Variants in ACE observed in about 807,000 individuals in gnomAD.
ACE encodes angiotensin-converting enzyme.
A neutral mutation model predicts 162.3 loss-of-function variants in ACE; 122 were observed. The ratio of observed to expected loss-of-function variants is 0.75; its 90% confidence interval spans 0.65 to 0.87. The LOEUF is 0.87. ACE is among the 40% of genes least tolerant of loss of function. The probability of loss-of-function intolerance (pLI) is 0.00; values close to 1 mark genes in which losing one functional copy is unlikely to be tolerated. For synonymous variants in ACE, 796 were observed against 720.6 expected (o/e 1.10, Z -1.68); for missense variants, 1,799 against 1,735.1 (o/e 1.04, Z -0.65).
At position 63,484,512 on chromosome 17, in the gene ACE, C is replaced by A. The variant is rs749271989; in HGVS notation, c.1892C>A (p.Pro631Gln). The stretch of plus-strand genomic sequence containing the variant: ...TGGCCCGAGTACCAGTGGCACCCGC[C>A]GTTGCCTGACAACTACCCGGAGGGC... ...LGWPEYQWHP[P>Q]LPDNYPEGID... The change falls in exon 12 of 25, where the codon CCG becomes CAG. Residue 631 changes from proline (P) to glutamine (Q), a missense_variant. Pro to Gln is a moderately conservative substitution (Grantham distance 76). Transcript: ENST00000290866. The surrounding 1 kb of genome is among the most constrained non-coding windows in gnomAD (Gnocchi z 4.0). 1 of 1,611,892 alleles carries A rather than the reference C, an allele frequency of 6.2e-7. No homozygotes were observed. The highest frequency in any genetic ancestry group is 1.1e-5 in the South Asian group (1 of 90,824).
intron 23 of ACE, 107 bp downstream of exon 23, chr17:63,496,623 C>T (rs1017056040): frequency 2.3e-5 from 37 of 1,601,482 alleles, no homozygotes; most frequent in East Asian, 1.1e-4. Flanking sequence ...CATTTTGAGC[C>T]GGGAACTCCC....
chr17:63,484,034 A>G lies in ACE; in HGVS notation c.1709+63A>G. ...AGGAGCGGCTGGCAAAGGGTGTGGC[A>G]GGAGGTGTCTGGCTGCTCTGATGGG... On this transcript the variant is annotated intron_variant, in intron 11 of 24. Coordinates refer to ENST00000290866, the MANE Select transcript of ACE (RefSeq NM_000789.4). This position sits in a 1 kb window ranked among gnomAD's most constrained non-coding sequence, Gnocchi z 4.0. The G allele has an allele frequency of 1.3e-6, 2 of 1,553,034 alleles. No homozygotes were observed. The highest frequency in any genetic ancestry group is 2.4e-5 in the East Asian group (1 of 41,460).
intron 20 of ACE, 55 bp from the exon 21 acceptor site, chr17:63,493,867 C>A (rs537085130): frequency 7.8e-5 from 126 of 1,613,634 alleles, no homozygotes; most frequent in Admixed American, 5.8e-4. Flanking sequence ...ACAGGCACAC[C>A]AGGGCCAAGC....
chr17:63,493,638 AGCAGTGAGGGTG>A lies in ACE; in HGVS notation c.3120_3131del (p.Glu1041_Ser1044del), dbSNP rs768525377. 6.2e-7 allele frequency: 1 copy of A among 1,614,068 alleles called. No homozygotes were observed. Among genetic ancestry groups the A allele is most frequent in the Non-Finnish European group, 8.5e-7 (1 of 1,180,018 alleles). ...GCACCTGCACAGTCTCAACCTGCTG[AGCAGTGAGGGTG>A]GCAGCGACGGTGAGAGAGAAGCGGG... On this transcript the variant is annotated inframe_deletion, in exon 20 of 25. Coordinates refer to ENST00000290866, the MANE Select transcript of ACE (RefSeq NM_000789.4).
rs138418851 is a variant in ACE, at chr17:63,482,522, T to C, written c.1175T>C (p.Met392Thr). ...CAGCTCTCCACAGTGCACCATGAGA[T>C]GGGCCATATACAGTACTACCTGCAG... ...MDQLSTVHHE[M>T]GHIQYYLQYK... Residue 392 changes from methionine to threonine, a missense_variant, in exon 8 of 25, where the codon ATG (methionine) becomes ACG (threonine). Physicochemically the swap from Met to Thr is moderately conservative, Grantham distance 81. Transcript: ENST00000290866. 8.0e-5 allele frequency: 129 copies of C among 1,613,908 alleles called. No individual in the cohort carries two copies. Among genetic ancestry groups the C allele is most frequent in the Non-Finnish European group, 1.0e-4 (122 of 1,180,010 alleles).
Position 63,484,117 on chromosome 17 carries a change from C to A in ACE, c.1709+146C>A. On this transcript the variant is annotated intron_variant, in intron 11 of 24. Transcript: ENST00000290866. This position sits in a 1 kb window ranked among gnomAD's most constrained non-coding sequence, Gnocchi z 4.0. Reference sequence around the variant, plus strand: ...GTGGATGCCTGTCTCCTCGCTATGTCATCAAATATTTATTGAGTGGGCCTT... The same window carrying A: ...GTGGATGCCTGTCTCCTCGCTATGTAATCAAATATTTATTGAGTGGGCCTT... 1 of 1,399,736 alleles carries A rather than the reference C, an allele frequency of 7.1e-7. No individual in the cohort carries two copies. The highest frequency in any genetic ancestry group is 9.6e-7 in the Non-Finnish European group (1 of 1,037,906). The allele number at this position is 1,399,736 out of a possible 1,614,324, so 86.7% of individuals were successfully genotyped here.
At position 63,483,877 on chromosome 17, in the gene ACE, C is replaced by A. The variant is rs1474365321; in HGVS notation, c.1615C>A (p.Gln539Lys). Residue 539 changes from glutamine to lysine, a missense_variant, in exon 11 of 25, where the codon CAG (glutamine) becomes AAG (lysine). Coordinates refer to ENST00000290866, the MANE Select transcript of ACE (RefSeq NM_000789.4). ...CTTTGTGAGTTTTGTCCTGCAGTTC[C>A]AGTTCCATGAAGCCCTGTGCAAGGA... ...RYFVSFVLQF[Q>K]FHEALCKEAG... 1 of 1,614,056 alleles carries A rather than the reference C, an allele frequency of 6.2e-7. No homozygotes were observed. Among genetic ancestry groups the A allele is most frequent in the African/African-American group, 1.3e-5 (1 of 74,934 alleles).
rs1462064954 is a variant in ACE, at chr17:63,484,324, C to T, written c.1710-6C>T. On this transcript the variant is annotated splice_region_variant and splice_polypyrimidine_tract_variant and intron_variant, in intron 11 of 24. Coordinates refer to ENST00000290866, the MANE Select transcript of ACE (RefSeq NM_000789.4). This position sits in a 1 kb window ranked among gnomAD's most constrained non-coding sequence, Gnocchi z 4.0. ...CTGTGCCCATGGTACCCACTCTGCC[C>T]ACCAGGAAGGTGCTGCAGGCTGGCT... 2 of 1,609,082 alleles carry T rather than the reference C, an allele frequency of 1.2e-6. No homozygotes were observed. The highest frequency in any genetic ancestry group is 1.3e-5 in the African/African-American group (1 of 74,940).
intron 2 of ACE, 49 bp from the exon 3 acceptor site, chr17:63,478,958 A>C (rs751004846): frequency 6.6e-7 from 1 of 1,513,328 alleles, no homozygotes; most frequent in Non-Finnish European, 9.1e-7. Context: ...GGGAGGGCAG[A>C]TGTCCCAGGG....
rs2030851584 is a variant in ACE, at chr17:63,497,589, TG to T, written c.*224del. The stretch of plus-strand genomic sequence containing the variant: ...TGAGCCCCACCTCTCCAAGTCTCTC[TG>T]TGAATACAATTAAAGGTCCTGCCCT... On this transcript the variant is annotated 3_prime_UTR_variant, in exon 25 of 25. Coordinates refer to ENST00000290866, the MANE Select transcript of ACE (RefSeq NM_000789.4). The T allele has an allele frequency of 1.4e-6, 1 of 700,900 alleles. No homozygotes were observed. Among genetic ancestry groups the T allele is most frequent in the Admixed American group, 2.0e-5 (1 of 49,906 alleles). The allele number at this position is 700,900 out of a possible 1,614,324, so 43.4% of individuals were successfully genotyped here. A position where few individuals can be genotyped will look rare whatever the true frequency, so the allele number is the denominator to read the frequency against.
At chr17:63,486,349 T>A (rs1288069610) in intron 13 of ACE, 1 of 626,348 alleles carries the variant, frequency 1.6e-6, no homozygotes, top group African/African-American at 1.8e-5. Context: ...TATGTGTTGC[T>A]TGACCGCAGG....
rs1309203619 is a variant in ACE, at chr17:63,497,243, C to T, written c.3798C>T (p.Gly1266=). ...GCCAGTGGCTGCTGCTCTTCCTGGG[C>T]ATCGCCCTGCTGGTAGCCACCCTGG... ...RVGQWLLLFL[G]IALLVATLGL... The change falls in exon 25 of 25, where the codon GGC becomes GGT. Residue 1266 remains glycine, a synonymous_variant. Coordinates refer to ENST00000290866, the MANE Select transcript of ACE (RefSeq NM_000789.4). 2 of 1,581,326 alleles carry T rather than the reference C, an allele frequency of 1.3e-6. No homozygotes were observed. Among genetic ancestry groups the T allele is most frequent in the East Asian group, 2.3e-5 (1 of 43,764 alleles).
At chr17:63,489,914 A>C (rs1443582861) in intron 17 of ACE, 1 of 152,498 alleles carries the variant, frequency 6.6e-6, no homozygotes, top group Non-Finnish European at 1.5e-5. Context: ...GTGATGTCAC[A>C]GTGGACGTCA....
Position 63,491,452 on chromosome 17 carries a change from C to T in ACE, c.2912+71C>T. 1.9e-6 allele frequency: 3 copies of T among 1,587,928 alleles called. No individual in the cohort carries two copies. The highest frequency in any genetic ancestry group is 2.7e-5 in the African/African-American group (2 of 74,554). The stretch of plus-strand genomic sequence containing the variant: ...AAGGGAAATGAACCAAGCAAAGGGT[C>T]CACTACTGTCCCCCAGCTGGAGCCA... On this transcript the variant is annotated intron_variant, in intron 19 of 24. Coordinates refer to ENST00000290866, the MANE Select transcript of ACE (RefSeq NM_000789.4). This position sits in a 1 kb window ranked among gnomAD's most constrained non-coding sequence, Gnocchi z 4.4.
intron 3 of ACE, among the ~76,000 whole-genome samples, chr17:63,479,350 T>G (rs1023726564): frequency 6.6e-6 from 1 of 152,122 alleles, no homozygotes; most frequent in Non-Finnish European, 1.5e-5. Flanking sequence ...CCCCTAGGCC[T>G]TCCTCCTGGC....
Position 63,481,629 on chromosome 17 carries a change from C to A in ACE, c.1009C>A (p.Pro337Thr). 1 of 1,614,122 alleles carries A rather than the reference C, an allele frequency of 6.2e-7. No individual in the cohort carries two copies. The highest frequency in any genetic ancestry group is 8.5e-7 in the Non-Finnish European group (1 of 1,180,042). The change falls in exon 7 of 25, where the codon CCC (proline) becomes ACC (threonine). Residue 337 changes from proline to threonine, a missense_variant. By Grantham distance (38) the Pro-to-Thr change is conservative. Coordinates refer to ENST00000290866, the MANE Select transcript of ACE (RefSeq NM_000789.4). ...EEFFTSLELS[P>T]MPPEFWEGSM... is the part of the protein sequence containing the mutation. The stretch of plus-strand genomic sequence containing the variant: ...GTTCTTCACCTCCCTGGAGCTCTCC[C>A]CCATGCCTCCCGAGTTCTGGGAAGG...
rs574465741 is a variant in ACE at position 63,482,403 on chromosome 17, T to TGCCGTG, written c.1119-60_1119-59insGTGGCC. On this transcript the variant is annotated intron_variant, in intron 7 of 24. Transcript: ENST00000290866. ...GTCTTTCAGGTGCCAATCTGCCCTG[T>TGCCGTG]GCCCTGGCCCTGCCCTGTTCTGTCC... 311 of 1,489,916 alleles carry TGCCGTG rather than the reference T, an allele frequency of 2.1e-4. 2 individuals carry two copies. Among genetic ancestry groups the TGCCGTG allele is most frequent in the Admixed American group, 1.4e-3 (78 of 54,438 alleles). The allele number at this position is 1,489,916 out of a possible 1,614,324, so 92.3% of individuals were successfully genotyped here.
rs758862141 is a variant in ACE at position 63,481,631 on chromosome 17, C to T, written c.1011C>T (p.Pro337=). The stretch of plus-strand genomic sequence containing the variant: ...TCTTCACCTCCCTGGAGCTCTCCCC[C>T]ATGCCTCCCGAGTTCTGGGAAGGGT... ...EEFFTSLELS[P]MPPEFWEGSM... is the part of the protein sequence containing the mutation. Residue 337 remains proline (P), a synonymous_variant, in exon 7 of 25, where the codon CCC becomes CCT. Coordinates refer to ENST00000290866, the MANE Select transcript of ACE (RefSeq NM_000789.4). The T allele has an allele frequency of 1.2e-6, 2 of 1,614,122 alleles. No homozygotes were observed. The highest frequency in any genetic ancestry group is 2.2e-5 in the East Asian group (1 of 44,874).
In ACE at chr17:63,484,154, G is replaced by A. The variant is rs1053746126; in HGVS notation, c.1710-176G>A. 6.6e-6 allele frequency among the ~76,000 whole-genome samples: 1 copy of A among 152,208 alleles called. No individual in the cohort carries two copies. Among genetic ancestry groups the A allele is most frequent in the Non-Finnish European group, 1.5e-5 (1 of 68,030 alleles). On this transcript the variant is annotated intron_variant, in intron 11 of 24. Transcript: ENST00000290866. The surrounding 1 kb of genome is among the most constrained non-coding windows in gnomAD (Gnocchi z 4.0). ...ATTGAGTGGGCCTTCTGGCTGGCAT[G>A]GGGCGACACAAATGCCCCCTGCCAC... is the stretch of plus-strand genomic sequence containing the variant.
Sources: gnomAD v4.1 joint callset for allele counts (sites outside exome capture counted in the v4.1 genomes callset) on GRCh38, gnomAD v4.1.1 for gene constraint, Gnocchi (gnomAD v3.1) non-coding constraint, MANE v1.5 for transcripts, NCBI Gene and HGNC (gene_info 2026-07-23, HGNC 2026-07-21) for gene names.